UBE2E2: variants seen among roughly 807,000 people sequenced by gnomAD.
The protein encoded by UBE2E2 is ubiquitin conjugating enzyme E2 E2, also known as ubiquitin-conjugating enzyme E2 E2.
A neutral mutation model predicts 24.7 loss-of-function variants in UBE2E2; 6 were observed. The observed-to-expected ratio is 0.24, with a 90% confidence interval of 0.13 to 0.48. The LOEUF (loss-of-function observed/expected upper bound fraction) is 0.48, where lower values mean the gene tolerates loss of function less well. Ranked by LOEUF, UBE2E2 falls within the 20% of genes least tolerant of loss-of-function variation. The probability of loss-of-function intolerance (pLI) is 0.99; values close to 1 mark genes in which losing one functional copy is unlikely to be tolerated. For synonymous variants in UBE2E2, 104 were observed against 83.6 expected, an observed-to-expected ratio of 1.24 and a Z score of -1.33; for missense variants, 169 against 245.0, an observed-to-expected ratio of 0.69 and a Z score of 2.07.
intron 3 of UBE2E2, among the ~76,000 whole-genome samples, chr3:23,434,780 C>A (rs943091907): frequency 6.6e-6 from 1 of 152,152 alleles, no homozygotes; most frequent in African/African-American, 2.4e-5. Context: ...AAAGGAAATT[C>A]TCTCAGTGTA....
intron 3 of UBE2E2, among the ~76,000 whole-genome samples, chr3:23,234,487 G>T (rs959916737): frequency 1.3e-5 from 2 of 152,166 alleles, no homozygotes; most frequent in Admixed American, 6.5e-5. Context: ...CAGCTGGAGA[G>T]TTTTGATTAA....
chr3:23,252,559 C>T (rs555050216), intron 3 of UBE2E2, among the ~76,000 whole-genome samples: 4 of 152,112 alleles, frequency 2.6e-5, no homozygotes, highest in Admixed American at 6.5e-5. Context: ...TGCAGTAGCA[C>T]GATCTCAGCT....
At chr3:23,415,640 A>G (rs1697605711) in intron 3 of UBE2E2, among the ~76,000 whole-genome samples, 1 of 152,216 alleles carries the variant, frequency 6.6e-6, no homozygotes, top group East Asian at 1.9e-4. Context: ...TGTACATCTA[A>G]AAATTTAGCC....
chr3:23,525,614 A>G (rs994256473), intron 4 of UBE2E2, among the ~76,000 whole-genome samples: 14 of 152,238 alleles, frequency 9.2e-5, no homozygotes, highest in African/African-American at 2.7e-4. Context: ...TTATTGAGCT[A>G]TGCTTCAAAT....
At chr3:23,229,661 T>C (rs1479483088) in intron 3 of UBE2E2, among the ~76,000 whole-genome samples, 2 of 152,244 alleles carry the variant, frequency 1.3e-5, no homozygotes, top group African/African-American at 4.8e-5. Context: ...GAGGTCTTGC[T>C]TTTCTGTTTC....
chr3:23,367,769 G>A (rs953834368), intron 3 of UBE2E2, among the ~76,000 whole-genome samples: 8 of 151,976 alleles, frequency 5.3e-5, no homozygotes, highest in Non-Finnish European at 7.4e-5. Flanking sequence ...GTGCAAAGGC[G>A]GAGGGGTGGG....
At chr3:23,413,873 G>C (rs971507835) in intron 3 of UBE2E2, among the ~76,000 whole-genome samples, 1 of 152,226 alleles carries the variant, frequency 6.6e-6, no homozygotes, top group East Asian at 1.9e-4. Flanking sequence ...ATTCCACTAC[G>C]TAACTAGCAA....
At chr3:23,245,126 AC>A (rs1416266849) in intron 3 of UBE2E2, among the ~76,000 whole-genome samples, 2 of 152,158 alleles carry the variant, frequency 1.3e-5, no homozygotes, top group Non-Finnish European at 2.9e-5. Flanking sequence ...CTGTGGAGAT[AC>A]AAAAAAGATG....
chr3:23,396,657 C>T (rs1378271949), intron 3 of UBE2E2, among the ~76,000 whole-genome samples: 1 of 152,034 alleles, frequency 6.6e-6, no homozygotes, highest in Admixed American at 6.6e-5. Context: ...AGGCAAGTTA[C>T]TTAACCTTTC....
chr3:23,551,789 G>A (rs941302982), intron 5 of UBE2E2, among the ~76,000 whole-genome samples: 2 of 152,176 alleles, frequency 1.3e-5, no homozygotes, highest in African/African-American at 2.4e-5. Flanking sequence ...TCCCAGGCTC[G>A]GCTAGGGCCT....
Position 23,570,197 on chromosome 3 carries a change from G to A in UBE2E2, c.509-19537G>A, listed in dbSNP as rs928569133. ...CGTAACTCCTTGCGGGTGAGGGATAGGTAATAAGTGAGAACAGTGTCCCTT... is the reference window on the plus strand; with the variant it reads ...CGTAACTCCTTGCGGGTGAGGGATAAGTAATAAGTGAGAACAGTGTCCCTT... On this transcript the variant is annotated intron_variant, in intron 5 of 5. Transcript: ENST00000396703. 5.3e-5 allele frequency among the ~76,000 whole-genome samples: 8 copies of A among 152,298 alleles called. No homozygotes were observed. In the East Asian group the frequency reaches 1.5e-3, roughly 29 times the overall value.
At chr3:23,224,990 A>G (rs916701191) in intron 3 of UBE2E2, among the ~76,000 whole-genome samples, 4 of 150,528 alleles carry the variant, frequency 2.7e-5, no homozygotes, top group Admixed American at 6.6e-5. Context: ...TAGCTATCCT[A>G]GTAGATATGA....
Position 23,299,618 on chromosome 3 carries a change from T to C in UBE2E2, c.227+82306T>C, listed in dbSNP as rs1323293149. Among the ~76,000 whole-genome samples, 9 of 152,332 alleles carry C rather than the reference T, an allele frequency of 5.9e-5. No homozygotes were observed. The East Asian group carries it at 1.2e-3, about 20-fold the overall frequency. ...TTTGAGTGAGTTTCTTAATCCTGAGTTCTAGTTTGATTGCACTGTGGTCTG... is the reference window on the plus strand; with the variant it reads ...TTTGAGTGAGTTTCTTAATCCTGAGCTCTAGTTTGATTGCACTGTGGTCTG... On this transcript the variant is annotated intron_variant, in intron 3 of 5. Coordinates refer to ENST00000396703, the MANE Select transcript of UBE2E2 (RefSeq NM_152653.4).
chr3:23,396,744 A>G (rs1697087964), intron 3 of UBE2E2, among the ~76,000 whole-genome samples: 1 of 152,186 alleles, frequency 6.6e-6, no homozygotes, highest in Non-Finnish European at 1.5e-5. Flanking sequence ...ATACAGGGAT[A>G]AATAACATAA....
chr3:23,444,741 A>G (rs1271192826), intron 3 of UBE2E2, among the ~76,000 whole-genome samples: 1 of 152,132 alleles, frequency 6.6e-6, no homozygotes, highest in Admixed American at 6.6e-5. Context: ...GCCAGCTGTT[A>G]TTTGTGAATG....
intron 3 of UBE2E2, among the ~76,000 whole-genome samples, chr3:23,301,517 G>T (rs1164079349): frequency 1.3e-5 from 2 of 152,214 alleles, no homozygotes; most frequent in African/African-American, 4.8e-5. Flanking sequence ...ACCCTCAGCC[G>T]CAGGTCTGTT....
intron 3 of UBE2E2, among the ~76,000 whole-genome samples, chr3:23,488,790 G>C: frequency 6.6e-6 from 1 of 152,190 alleles, no homozygotes; most frequent in East Asian, 1.9e-4. Context: ...CAGGTGGGAG[G>C]TGGGGGCGGA....
At position 23,524,871 on chromosome 3, in the gene UBE2E2, C is replaced by CAA. The variant is rs201726485; in HGVS notation, c.361-7682_361-7681insAA. ...AGATACACACAGACACACAGACACACACACACACACACACACACACACGTG... is the reference window on the plus strand; with the variant it reads ...AGATACACACAGACACACAGACACACAAACACACACACACACACACACACGTG... On this transcript the variant is annotated intron_variant, in intron 4 of 5. Transcript: ENST00000396703. 7.2e-3 allele frequency among the ~76,000 whole-genome samples: 1,083 copies of CAA among 151,062 alleles called. 3 individuals carry two copies. Among genetic ancestry groups the CAA allele is most frequent in the Middle Eastern group, 0.014 (4 of 292 alleles).
chr3:23,565,471 T>TTC (rs1575711011), intron 5 of UBE2E2, among the ~76,000 whole-genome samples: 1 of 121,906 alleles, frequency 8.2e-6, no homozygotes. Context: ...TTTTTTTTTT[T>TTC]CAGTGAAAGA....
Sources: gnomAD v4.1 joint callset for allele counts (sites outside exome capture counted in the v4.1 genomes callset) on GRCh38, gnomAD v4.1.1 for gene constraint, MANE v1.5 for transcripts, NCBI Gene and HGNC (gene_info 2026-07-23, HGNC 2026-07-21) for gene names.